Variants in PCNX2 observed in about 807,000 individuals in gnomAD.
PCNX2 encodes the protein pecanex-like protein 2.
PCNX2 carries 168 observed loss-of-function variants against 223.8 expected under a neutral mutation model. That is an observed-to-expected ratio of 0.75 (90% confidence interval 0.66 to 0.85). PCNX2 has a LOEUF of 0.85. Ranked by LOEUF, PCNX2 falls within the 40% of genes least tolerant of loss-of-function variation. PCNX2 has a pLI of 0.00. For synonymous variants in PCNX2, 1,006 were observed against 1,052.6 expected (o/e 0.96, Z 0.86); for missense variants, 2,507 against 2,675.5 (o/e 0.94, Z 1.39).
intron 32 of PCNX2, among the ~76,000 whole-genome samples, chr1:232,994,465 T>C (rs913175093): frequency 1.3e-5 from 2 of 152,354 alleles, no homozygotes; most frequent in South Asian, 2.1e-4. Flanking sequence ...AACTAACTTG[T>C]TTTTGATTTT....
At chr1:233,254,486 A>G (rs991726715) in intron 5 of PCNX2, among the ~76,000 whole-genome samples, 13 of 152,362 alleles carry the variant, frequency 8.5e-5, no homozygotes, top group Non-Finnish European at 4.4e-5. Context: ...GGTACATTAC[A>G]TAAGTCAACA....
chr1:233,125,549 G>T (rs889272662), intron 21 of PCNX2, among the ~76,000 whole-genome samples: 16 of 152,168 alleles, frequency 1.1e-4, no homozygotes, highest in Non-Finnish European at 2.4e-4. Flanking sequence ...TCTAGTCCTG[G>T]TGGTTTGGTT....
rs113893077 is a variant in PCNX2 at position 233,093,021 on chromosome 1, A to T, written c.3946+2734T>A. Among the ~76,000 whole-genome samples the T allele has an allele frequency of 6.4e-4, 98 of 152,150 alleles. 1 individual carries two copies. Among genetic ancestry groups the T allele is most frequent in the South Asian group, 2.5e-3 (12 of 4,818 alleles). On this transcript the variant is annotated intron_variant, in intron 22 of 33. Coordinates refer to ENST00000258229, the MANE Select transcript of PCNX2 (RefSeq NM_014801.4). Reference sequence around the variant, plus strand: ...TCACCGTGTTAGCCAGGATGGTCTCAATCTCCTGACCTCATGATCTGCCCT... The same window carrying T: ...TCACCGTGTTAGCCAGGATGGTCTCTATCTCCTGACCTCATGATCTGCCCT...
chr1:233,259,902 T>C (rs1465816872), intron 4 of PCNX2: 1 of 737,850 alleles, frequency 1.4e-6, no homozygotes, highest in East Asian at 1.3e-4. Context: ...AGCAATACAG[T>C]ATAACAACTA....
chr1:233,277,666 G>A (rs1025583802), intron 1 of PCNX2, among the ~76,000 whole-genome samples: 4 of 152,154 alleles, frequency 2.6e-5, no homozygotes, highest in African/African-American at 9.7e-5. Flanking sequence ...ACCAAAGAAC[G>A]GGGGCTGCTG....
chr1:233,011,269 T>C (rs946285512), intron 28 of PCNX2, among the ~76,000 whole-genome samples: 1 of 152,140 alleles, frequency 6.6e-6, no homozygotes. Context: ...ACTAATGTAA[T>C]ACAACATTAA....
At chr1:233,011,237 A>G (rs969163003) in intron 28 of PCNX2, among the ~76,000 whole-genome samples, 12 of 152,240 alleles carry the variant, frequency 7.9e-5, no homozygotes, top group African/African-American at 2.7e-4. Flanking sequence ...AATTGTAAGC[A>G]TGTTTCAACA....
chr1:233,177,252 C>T (rs1401491198), intron 17 of PCNX2, among the ~76,000 whole-genome samples: 1 of 152,160 alleles, frequency 6.6e-6, no homozygotes, highest in Non-Finnish European at 1.5e-5. Flanking sequence ...TTATACTGGT[C>T]CAAGCAAGCA....
chr1:233,040,731 G>C (rs11579697), intron 25 of PCNX2, among the ~76,000 whole-genome samples: 12,683 of 152,118 alleles, frequency 0.083, 570 homozygotes, highest in African/African-American at 0.12. Flanking sequence ...AATATACATA[G>C]AGATGCTCTT....
intron 23 of PCNX2, among the ~76,000 whole-genome samples, chr1:233,078,544 G>C (rs1253891836): frequency 6.6e-6 from 1 of 152,182 alleles, no homozygotes; most frequent in African/African-American, 2.4e-5. Flanking sequence ...ATTTAGAACA[G>C]GGTTCTGCCC....
Position 233,262,952 on chromosome 1 carries a change from T to G in PCNX2, c.359+6A>C, listed in dbSNP as rs767466083. ...TTTGAAGTGTCACATTAATTGAAAA[T>G]ATTACCTTGGATTTCTGTGATTAGT... On this transcript the variant is annotated splice_donor_region_variant and intron_variant, in intron 2 of 33. Coordinates refer to ENST00000258229, the MANE Select transcript of PCNX2 (RefSeq NM_014801.4). 1 of 1,611,254 alleles carries G rather than the reference T, an allele frequency of 6.2e-7. No individual in the cohort carries two copies. The highest frequency in any genetic ancestry group is 1.1e-5 in the South Asian group (1 of 90,850).
chr1:233,237,811 A>G (rs1008094763), intron 8 of PCNX2, among the ~76,000 whole-genome samples: 1 of 152,170 alleles, frequency 6.6e-6, no homozygotes, highest in East Asian at 1.9e-4. Flanking sequence ...AGCCCCAGGG[A>G]AAAATCCTGG....
chr1:233,297,069 A>G (rs1662163238), upstream of PCNX2, among the ~76,000 whole-genome samples: 1 of 152,238 alleles, frequency 6.6e-6, no homozygotes, highest in South Asian at 2.1e-4. Flanking sequence ...TTGTAAACAA[A>G]TGGGCTTTTT....
intron 23 of PCNX2, among the ~76,000 whole-genome samples, chr1:233,066,797 T>G (rs1380878440): frequency 1.3e-5 from 2 of 152,148 alleles, no homozygotes; most frequent in Non-Finnish European, 2.9e-5. Context: ...CAGGCAATAA[T>G]GAGGTGCCTC....
the PCNX2 span, among the ~76,000 whole-genome samples, chr1:233,322,757 A>G: frequency 6.6e-6 from 1 of 151,874 alleles, no homozygotes; most frequent in Non-Finnish European, 1.5e-5. Context: ...AGTCAAAGGC[A>G]CCCCCACCCT....
At chr1:233,249,912 C>A (rs1004535699) in intron 8 of PCNX2, among the ~76,000 whole-genome samples, 2 of 152,182 alleles carry the variant, frequency 1.3e-5, no homozygotes, top group Non-Finnish European at 2.9e-5. Flanking sequence ...AGGACCCCTC[C>A]CCCTGAATTT....
chr1:233,061,419 C>T (rs958492828), intron 23 of PCNX2, among the ~76,000 whole-genome samples: 4 of 152,186 alleles, frequency 2.6e-5, no homozygotes, highest in African/African-American at 7.2e-5. Flanking sequence ...TGATTTGGCA[C>T]GAGACATTTC....
intron 21 of PCNX2, among the ~76,000 whole-genome samples, chr1:233,112,217 T>C (rs559329181): frequency 1.3e-5 from 2 of 152,344 alleles, no homozygotes; most frequent in African/African-American, 4.8e-5. Context: ...TGGTATAGAA[T>C]TGAAATCTGC....
intron 30 of PCNX2, 129 bp from the exon 31 acceptor site, chr1:232,999,508 C>G: frequency 9.3e-7 from 1 of 1,079,042 alleles, no homozygotes; most frequent in Non-Finnish European, 1.3e-6. Context: ...GGCTGGAGTG[C>G]AATGGTGCAA....
Sources: allele counts gnomAD v4.1 joint callset (sites outside exome capture counted in the v4.1 genomes callset), GRCh38; gene constraint gnomAD v4.1.1; transcripts MANE v1.5; gene names NCBI Gene and HGNC (gene_info 2026-07-23, HGNC 2026-07-21).